Variants in EPB41L3 observed in about 807,000 individuals in gnomAD.
EPB41L3 encodes band 4.1-like protein 3.
In EPB41L3, 57 loss-of-function variants were observed where a neutral mutation model predicts 127.1. The ratio of observed to expected loss-of-function variants is 0.45; its 90% confidence interval spans 0.36 to 0.56. EPB41L3 has a LOEUF of 0.56. EPB41L3 is among the 20% of genes least tolerant of loss of function. The pLI is 0.00. For missense variants in EPB41L3, 1,273 were observed against 1,372.2 expected, an observed-to-expected ratio of 0.93 and a Z score of 1.14; for synonymous variants, 572 against 549.5, an observed-to-expected ratio of 1.04 and a Z score of -0.57.
intron 2 of EPB41L3, among the ~76,000 whole-genome samples, chr18:5,484,338 C>G (rs2089315581): frequency 6.6e-6 from 1 of 150,610 alleles, no homozygotes; most frequent in African/African-American, 2.4e-5. Flanking sequence ...TGGGCTATAA[C>G]AAAAGCAGTA....
chr18:5,410,603 G>C lies in EPB41L3; in HGVS notation c.2084C>G (p.Thr695Arg). The C allele has an allele frequency of 3.1e-6, 5 of 1,613,386 alleles. No individual in the cohort carries two copies. Among genetic ancestry groups the C allele is most frequent in the South Asian group, 1.1e-5 (1 of 90,942 alleles). Residue 695 changes from threonine to arginine, a missense_variant, in exon 14 of 23, where the codon ACG becomes AGG. Physicochemically the swap from Thr to Arg is moderately conservative, Grantham distance 71 (BLOSUM62 -1). Coordinates refer to ENST00000341928, the MANE Select transcript of EPB41L3 (RefSeq NM_012307.5). ...SSEEETDSER[T>R]DTAADGETTA... Reference sequence around the variant, plus strand: ...GGTCTCCCCGTCGGCTGCGGTGTCCGTGCGCTCACTGTCAGTCTGTTGACC... The same window carrying C: ...GGTCTCCCCGTCGGCTGCGGTGTCCCTGCGCTCACTGTCAGTCTGTTGACC...
chr18:5,589,150 T>C (rs2094464604), intron 3 of EPB41L3, among the ~76,000 whole-genome samples: 2 of 152,126 alleles, frequency 1.3e-5, no homozygotes, highest in Admixed American at 6.6e-5. Flanking sequence ...CCTCTTTCCA[T>C]TGAGGAGAAT....
chr18:5,619,027 T>C (rs2094830209), intron 1 of EPB41L3, among the ~76,000 whole-genome samples: 2 of 152,172 alleles, frequency 1.3e-5, no homozygotes, highest in South Asian at 4.1e-4. Flanking sequence ...TTTTTGAAAA[T>C]ACAATTATTA....
chr18:5,564,417 G>C (rs2094172454), intron 3 of EPB41L3, among the ~76,000 whole-genome samples: 1 of 152,088 alleles, frequency 6.6e-6, no homozygotes, highest in Admixed American at 6.6e-5. Flanking sequence ...AATTAATCAA[G>C]GAAAAGGGGT....
chr18:5,444,722 GAC>G (rs2081244974), intron 4 of EPB41L3, among the ~76,000 whole-genome samples: 2 of 152,186 alleles, frequency 1.3e-5, no homozygotes, highest in Admixed American at 1.3e-4. Flanking sequence ...GAACTGCCCT[GAC>G]AGTTTATGGG....
At chr18:5,621,003 A>G (rs192841710) in intron 1 of EPB41L3, among the ~76,000 whole-genome samples, 1 of 152,228 alleles carries the variant, frequency 6.6e-6, no homozygotes, top group East Asian at 1.9e-4. Flanking sequence ...TTGTCTAAAC[A>G]TTTACATATG....
At chr18:5,461,260 G>A (rs2083948377) in intron 3 of EPB41L3, among the ~76,000 whole-genome samples, 1 of 152,108 alleles carries the variant, frequency 6.6e-6, no homozygotes, top group African/African-American at 2.4e-5. Context: ...TGTCACCATG[G>A]CATTCCATAA....
chr18:5,464,614 T>A (rs984536872), intron 3 of EPB41L3, among the ~76,000 whole-genome samples: 2 of 152,212 alleles, frequency 1.3e-5, no homozygotes, highest in African/African-American at 4.8e-5. Flanking sequence ...TCCCTAGTCA[T>A]TTTTTTAAAA....
chr18:5,554,267 G>A (rs2094003997), intron 3 of EPB41L3, among the ~76,000 whole-genome samples: 1 of 152,140 alleles, frequency 6.6e-6, no homozygotes, highest in Non-Finnish European at 1.5e-5. Context: ...ACAAAAACAG[G>A]GGTCCAGCCA....
At chr18:5,435,294 G>GC (rs2079600430) in intron 6 of EPB41L3, among the ~76,000 whole-genome samples, 1 of 152,058 alleles carries the variant, frequency 6.6e-6, no homozygotes, top group East Asian at 1.9e-4. Context: ...TGTTTATAAA[G>GC]CCCACAGTAG....
At chr18:5,515,465 G>C (rs146958292) in intron 1 of EPB41L3, among the ~76,000 whole-genome samples, 2 of 152,250 alleles carry the variant, frequency 1.3e-5, no homozygotes, top group African/African-American at 4.8e-5. Flanking sequence ...TAAAAAACAG[G>C]GAAGTAGAAA....
Position 5,517,478 on chromosome 18 carries a change from C to A in EPB41L3, c.-12+26435G>T, listed in dbSNP as rs192680501. 6.3e-4 allele frequency among the ~76,000 whole-genome samples: 96 copies of A among 152,050 alleles called. 1 individual carries two copies. The highest frequency in any genetic ancestry group is 6.8e-3 in the Middle Eastern group (2 of 294). ...TTGAGATGGAGTCTCACTCTGTTAC[C>A]CAGGCTGGAATGCAGTGGCATGATC... On this transcript the variant is annotated intron_variant, in intron 1 of 22. Transcript: ENST00000341928.
chr18:5,498,736 A>C (rs1016226317), intron 1 of EPB41L3, among the ~76,000 whole-genome samples: 1 of 152,160 alleles, frequency 6.6e-6, no homozygotes, highest in Non-Finnish European at 1.5e-5. Flanking sequence ...AATGATATAC[A>C]TAAGAGCAAA....
At chr18:5,486,412 G>C (rs1211533499) in intron 2 of EPB41L3, among the ~76,000 whole-genome samples, 1 of 151,570 alleles carries the variant, frequency 6.6e-6, no homozygotes, top group African/African-American at 2.4e-5. Context: ...AAATGCTCCA[G>C]GAGGTTGGTC....
intron 3 of EPB41L3, among the ~76,000 whole-genome samples, chr18:5,575,802 A>T (rs2094331580): frequency 6.6e-6 from 1 of 152,156 alleles, no homozygotes; most frequent in African/African-American, 2.4e-5. Context: ...GTGCCATTGC[A>T]CTGCAGCCTT....
Position 5,514,040 on chromosome 18 carries a change from A to G in EPB41L3, c.-11-24846T>C, listed in dbSNP as rs2092654535. Among the ~76,000 whole-genome samples the G allele has an allele frequency of 2.6e-5, 4 of 152,252 alleles. 1 individual carries two copies. In the South Asian group the frequency reaches 8.3e-4, roughly 31 times the overall value. On this transcript the variant is annotated intron_variant, in intron 1 of 22. Coordinates refer to ENST00000341928, the MANE Select transcript of EPB41L3 (RefSeq NM_012307.5). Reference sequence around the variant, plus strand: ...CTACAGAGGCCAAAGCATAATTATAAGGTTACAAAAGTGGAAGAAAATGAG... The same window carrying G: ...CTACAGAGGCCAAAGCATAATTATAGGGTTACAAAAGTGGAAGAAAATGAG...
chr18:5,618,443 AAGG>A (rs1353530716), intron 1 of EPB41L3, among the ~76,000 whole-genome samples: 3 of 152,226 alleles, frequency 2.0e-5, no homozygotes, highest in African/African-American at 7.2e-5. Context: ...TGGACTAAAG[AAGG>A]AGAATAGCTT....
chr18:5,461,656 T>G (rs1005527798), intron 3 of EPB41L3, among the ~76,000 whole-genome samples: 16 of 152,188 alleles, frequency 1.1e-4, no homozygotes, highest in Non-Finnish European at 2.2e-4. Context: ...CACTAGGCAA[T>G]GCTAACAAAA....
At chr18:5,510,953 T>TA (rs1175989407) in intron 1 of EPB41L3, among the ~76,000 whole-genome samples, 2 of 152,016 alleles carry the variant, frequency 1.3e-5, no homozygotes, top group East Asian at 3.9e-4. Context: ...GGCAATCAGT[T>TA]AAAAAAACAA....
Sources: gnomAD v4.1 joint callset for allele counts (sites outside exome capture counted in the v4.1 genomes callset) on GRCh38, gnomAD v4.1.1 for gene constraint, MANE v1.5 for transcripts, NCBI Gene and HGNC (gene_info 2026-07-23, HGNC 2026-07-21) for gene names.